SDCCAG8: variants seen among roughly 807,000 people sequenced by gnomAD.
SDCCAG8 encodes SHH signaling and ciliogenesis regulator SDCCAG8.
A neutral mutation model predicts 101.8 loss-of-function variants in SDCCAG8; 74 were observed. That is an observed-to-expected ratio of 0.73 (90% CI 0.60 to 0.88). The LOEUF (loss-of-function observed/expected upper bound fraction) is 0.88. Ranked by LOEUF, SDCCAG8 falls within the 40% of genes least tolerant of loss-of-function variation. The probability of loss-of-function intolerance (pLI) is 0.00; values close to 1 mark genes in which losing one functional copy is unlikely to be tolerated. For synonymous variants in SDCCAG8, 281 were observed against 292.9 expected (o/e 0.96, Z 0.41); for missense variants, 787 against 822.6 (o/e 0.96, Z 0.53).
intron 12 of SDCCAG8, among the ~76,000 whole-genome samples, chr1:243,355,288 C>G (rs961471984): frequency 4.0e-5 from 6 of 151,502 alleles, no homozygotes; most frequent in Admixed American, 1.3e-4. Context: ...TAAAATCTCT[C>G]TACTTACAAC....
At chr1:243,468,311 G>A (rs192336364) in intron 16 of SDCCAG8, among the ~76,000 whole-genome samples, 1 of 150,958 alleles carries the variant, frequency 6.6e-6, no homozygotes, top group Non-Finnish European at 1.5e-5. Context: ...TCCGCCTCCC[G>A]GGTTCAAGCA....
At chr1:243,378,584 TA>T in intron 12 of SDCCAG8, 136 bp from the exon 13 acceptor site, 1 of 892,492 alleles carries the variant, frequency 1.1e-6, no homozygotes, top group Non-Finnish European at 1.8e-6. Flanking sequence ...CCTTTTGTCA[TA>T]AAATGGAAGC....
At position 243,290,203 on chromosome 1, in the gene SDCCAG8, C is replaced by G. The variant is rs566704315; in HGVS notation, c.547-2888C>G. ...TTCATCCCCTGTCTTACCACCGCTC[C>G]CGCCCCCCGATCCCCTGCCACCCAA... On this transcript the variant is annotated intron_variant, in intron 5 of 17. Coordinates refer to ENST00000366541, the MANE Select transcript of SDCCAG8 (RefSeq NM_006642.5). Among the ~76,000 whole-genome samples, 16 of 135,268 alleles carry G rather than the reference C, an allele frequency of 1.2e-4. No homozygotes were observed. In the East Asian group the frequency reaches 3.1e-3, roughly 26 times the overall value. The allele number at this position is 135,268 out of a possible 152,430, so 88.7% of individuals were successfully genotyped here.
chr1:243,405,184 T>A (rs1023419367), intron 13 of SDCCAG8, among the ~76,000 whole-genome samples: 2 of 152,198 alleles, frequency 1.3e-5, no homozygotes, highest in Non-Finnish European at 2.9e-5. Context: ...GACTTCTTGC[T>A]AGTTTGAAAT....
chr1:243,356,845 A>C (rs1202696336), intron 12 of SDCCAG8, among the ~76,000 whole-genome samples: 2 of 152,038 alleles, frequency 1.3e-5, no homozygotes, highest in Non-Finnish European at 2.9e-5. Context: ...AAAAAATCAA[A>C]AAATTACCCA....
At chr1:243,328,515 A>C (rs1041208365) in intron 9 of SDCCAG8, among the ~76,000 whole-genome samples, 4 of 150,348 alleles carry the variant, frequency 2.7e-5, no homozygotes, top group African/African-American at 9.8e-5. Context: ...GACCTCAAGC[A>C]ATCCACCCGC....
chr1:243,294,482 GGA>G lies in SDCCAG8; in HGVS notation c.675+1280_675+1281del, dbSNP rs757363774. ...CACTCCCCCCAAAAGGTGGGGGGGG[GGA>G]GAGAGAGAGAGAGAGAAAGAGCGAG... On this transcript the variant is annotated intron_variant, in intron 6 of 17. Coordinates refer to ENST00000366541, the MANE Select transcript of SDCCAG8 (RefSeq NM_006642.5). Among the ~76,000 whole-genome samples the G allele has an allele frequency of 7.4e-3, 734 of 99,778 alleles. 8 individuals carry two copies. Among genetic ancestry groups the G allele is most frequent in the Middle Eastern group, 0.034 (6 of 176 alleles). The allele number at this position is 99,778 out of a possible 152,430, so 65.5% of individuals were successfully genotyped here.
At chr1:243,408,834 T>C (rs1293492303) in intron 13 of SDCCAG8, among the ~76,000 whole-genome samples, 2 of 152,244 alleles carry the variant, frequency 1.3e-5, no homozygotes, top group African/African-American at 4.8e-5. Flanking sequence ...AGAATGCATG[T>C]AAAGACCTTA....
Position 243,286,374 on chromosome 1 carries a change from G to A in SDCCAG8, c.523G>A (p.Glu175Lys), listed in dbSNP as rs767375284. The stretch of plus-strand genomic sequence containing the variant: ...TCAAAGACAAGAGGAGACACTGAGG[G>A]AACAAACACTTCTGGATGCATCCGT... ...KSQRQEETLR[E>K]QTLLDASGNM... is the part of the protein sequence containing the mutation. Residue 175 changes from glutamate to lysine, a missense_variant, in exon 5 of 18, where the codon GAA (glutamate) becomes AAA (lysine). Glu to Lys is a moderately conservative substitution (Grantham distance 56, BLOSUM62 1). Transcript: ENST00000366541. 1 of 1,614,012 alleles carries A rather than the reference G, an allele frequency of 6.2e-7. No individual in the cohort carries two copies. The highest frequency in any genetic ancestry group is 8.5e-7 in the Non-Finnish European group (1 of 1,179,924).
chr1:243,474,453 C>A lies in SDCCAG8; in HGVS notation c.1986-14561C>A, dbSNP rs1019940209. ...CTCTCGCGCGGCTTCGGGACTCGGC[C>A]GAGCCCGGGCCTAGTATCCAGAGTC... On this transcript the variant is annotated intron_variant, in intron 16 of 17. Coordinates refer to ENST00000366541, the MANE Select transcript of SDCCAG8 (RefSeq NM_006642.5). The surrounding 1 kb of genome is among the most constrained non-coding windows in gnomAD (Gnocchi z 4.7). Among the ~76,000 whole-genome samples, 22 of 152,112 alleles carry A rather than the reference C, an allele frequency of 1.4e-4. No homozygotes were observed. Among genetic ancestry groups the A allele is most frequent in the African/African-American group, 5.3e-4 (22 of 41,434 alleles).
intron 1 of SDCCAG8, among the ~76,000 whole-genome samples, chr1:243,259,617 C>G (rs368578124): frequency 6.6e-6 from 1 of 151,858 alleles, no homozygotes; most frequent in African/African-American, 2.4e-5. Flanking sequence ...GTCTGGAGTT[C>G]GAGAACAGCC....
At chr1:243,406,790 T>C (rs1279406058) in intron 13 of SDCCAG8, among the ~76,000 whole-genome samples, 6 of 152,174 alleles carry the variant, frequency 3.9e-5, no homozygotes, top group Non-Finnish European at 8.8e-5. Flanking sequence ...CCAAAACTGT[T>C]TGCAGTGTTC....
chr1:243,277,212 G>A (rs1318756858), intron 4 of SDCCAG8, among the ~76,000 whole-genome samples: 6 of 152,158 alleles, frequency 3.9e-5, no homozygotes, highest in African/African-American at 1.4e-4. Context: ...TTTTAACTTT[G>A]CAAGAAATTG....
At chr1:243,283,010 C>T (rs2069203205) in intron 4 of SDCCAG8, among the ~76,000 whole-genome samples, 1 of 151,998 alleles carries the variant, frequency 6.6e-6, no homozygotes, top group African/African-American at 2.4e-5. Flanking sequence ...CCACACCTGG[C>T]TAATTTTTGT....
At chr1:243,335,970 C>G (rs2074980386) in intron 10 of SDCCAG8, among the ~76,000 whole-genome samples, 1 of 152,150 alleles carries the variant, frequency 6.6e-6, no homozygotes, top group South Asian at 2.1e-4. Context: ...AGACCTGATT[C>G]CATTCTTTTT....
intron 17 of SDCCAG8, among the ~76,000 whole-genome samples, chr1:243,491,061 A>T (rs1666276763): frequency 6.6e-6 from 1 of 152,184 alleles, no homozygotes; most frequent in East Asian, 1.9e-4. Flanking sequence ...GGTTGTGGGG[A>T]GTCTTCCGTG....
intron 13 of SDCCAG8, among the ~76,000 whole-genome samples, chr1:243,410,698 T>A (rs1408443162): frequency 1.3e-5 from 2 of 152,204 alleles, no homozygotes; most frequent in African/African-American, 4.8e-5. Flanking sequence ...TTAGAAAATG[T>A]ACTTTAAAAA....
At chr1:243,365,957 A>G (rs1357433442) in intron 12 of SDCCAG8, among the ~76,000 whole-genome samples, 2 of 152,072 alleles carry the variant, frequency 1.3e-5, no homozygotes, top group Admixed American at 6.6e-5. Context: ...ATTTAAGGTA[A>G]TAGTGTCAAT....
chr1:243,270,875 T>C, intron 2 of SDCCAG8, 103 bp from the exon 3 acceptor site: 1 of 822,464 alleles, frequency 1.2e-6, no homozygotes, highest in Non-Finnish European at 2.2e-6. Context: ...GAATTCTTGA[T>C]GCATAATATA....
Sources: allele counts gnomAD v4.1 joint callset (sites outside exome capture counted in the v4.1 genomes callset), GRCh38; gene constraint gnomAD v4.1.1; non-coding constraint Gnocchi (gnomAD v3.1); transcripts MANE v1.5; gene names NCBI Gene and HGNC (gene_info 2026-07-23, HGNC 2026-07-21).